The following SNRPF variants were observed in gnomAD, a reference collection of about 807,000 sequenced individuals.
SNRPF encodes the protein small nuclear ribonucleoprotein F.
SNRPF carries 1 observed loss-of-function variant against 13.4 expected under a neutral mutation model. That is an observed-to-expected ratio of 0.07 (90% confidence interval 0.03 to 0.35). SNRPF has a LOEUF of 0.35. Ranked by LOEUF, SNRPF falls within the 10% of genes least tolerant of loss-of-function variation. The pLI is 0.99. For synonymous variants in SNRPF, 27 were observed against 32.1 expected, an observed-to-expected ratio of 0.84 and a Z score of 0.54; for missense variants, 53 against 101.0, an observed-to-expected ratio of 0.52 and a Z score of 2.04.
At chr12:95,859,688 G>C (rs2121389100) in intron 1 of SNRPF, among the ~76,000 whole-genome samples, 1 of 152,246 alleles carries the variant, frequency 6.6e-6, no homozygotes, top group Middle Eastern at 3.4e-3. Context: ...CCTGCGGCCG[G>C]AAAGAAAGCT....
At chr12:95,864,198 A>G (rs58365855) in intron 2 of SNRPF, among the ~76,000 whole-genome samples, 5,502 of 152,238 alleles carry the variant, frequency 0.036, 220 homozygotes, top group East Asian at 0.099. Flanking sequence ...GTTCATTACC[A>G]TGTTTTTCAT....
intron 2 of SNRPF, among the ~76,000 whole-genome samples, chr12:95,864,039 A>G (rs895641439): frequency 6.6e-6 from 1 of 152,240 alleles, no homozygotes; most frequent in African/African-American, 2.4e-5. Context: ...TTTTACAAAA[A>G]ATTAGTTGCT....
chr12:95,859,081 GGA>G lies in SNRPF; in HGVS notation c.3+8_3+9del. 3 of 1,612,770 alleles carry G rather than the reference GGA, an allele frequency of 1.9e-6. No homozygotes were observed. Among genetic ancestry groups the G allele is most frequent in the Non-Finnish European group, 2.5e-6 (3 of 1,179,226 alleles). On this transcript the variant is annotated splice_donor_region_variant and intron_variant, in intron 1 of 3. Transcript: ENST00000266735. ...CATTCGGCCGTGGTTACGATGGTAA[GGA>G]GAAAGAGAACGGCGGGAGAAGCGGG...
chr12:95,861,308 T>A lies in SNRPF; in HGVS notation c.129+15T>A, dbSNP rs1418648653. 6.2e-7 allele frequency: 1 copy of A among 1,605,154 alleles called. No individual in the cohort carries two copies. Among genetic ancestry groups the A allele is most frequent in the Non-Finnish European group, 8.5e-7 (1 of 1,174,458 alleles). On this transcript the variant is annotated intron_variant, in intron 2 of 3. Coordinates refer to ENST00000266735, the MANE Select transcript of SNRPF (RefSeq NM_003095.5). ...TGAACATGCAGGTAAGCTAAAGAGCTGTAAAGGTCATAACATTGCATTTAT... is the reference window on the plus strand; with the variant it reads ...TGAACATGCAGGTAAGCTAAAGAGCAGTAAAGGTCATAACATTGCATTTAT...
chr12:95,865,241 A>T, intron 2 of SNRPF, 83 bp from the exon 3 acceptor site: 1 of 624,864 alleles, frequency 1.6e-6, no homozygotes, highest in Non-Finnish European at 2.9e-6. Flanking sequence ...GGTCTCAGTT[A>T]ATGAGTTCTC....
At position 95,859,002 on chromosome 12, in the gene SNRPF, T is replaced by C. The variant is rs913685772; in HGVS notation, c.-72T>C. 2 of 1,601,354 alleles carry C rather than the reference T, an allele frequency of 1.2e-6. No individual in the cohort carries two copies. Reference sequence around the variant, plus strand: ...ACTGCGGCTCGGGACCTGCGGTACCTGCTGTAGTCACGAGGGACGGGCGGC... The same window carrying C: ...ACTGCGGCTCGGGACCTGCGGTACCCGCTGTAGTCACGAGGGACGGGCGGC... On this transcript the variant is annotated 5_prime_UTR_variant, in exon 1 of 4. Coordinates refer to ENST00000266735, the MANE Select transcript of SNRPF (RefSeq NM_003095.5).
intron 2 of SNRPF, among the ~76,000 whole-genome samples, chr12:95,862,117 G>A (rs2079499201): frequency 6.6e-6 from 1 of 152,178 alleles, no homozygotes; most frequent in Non-Finnish European, 1.5e-5. Context: ...AAGTGGAATT[G>A]TGTATTATCC....
chr12:95,859,724 A>G (rs970605227), intron 1 of SNRPF, among the ~76,000 whole-genome samples: 1 of 152,186 alleles, frequency 6.6e-6, no homozygotes, highest in African/African-American at 2.4e-5. Context: ...ATTGACAGAA[A>G]GGTATAGCCA....
At chr12:95,862,456 G>A (rs1481244360) in intron 2 of SNRPF, among the ~76,000 whole-genome samples, 2 of 152,166 alleles carry the variant, frequency 1.3e-5, no homozygotes, top group Admixed American at 6.5e-5. Flanking sequence ...GCTCATGCCT[G>A]TAATCCCAGC....
intron 2 of SNRPF, among the ~76,000 whole-genome samples, chr12:95,863,202 G>T (rs1465795661): frequency 4.6e-5 from 7 of 152,074 alleles, no homozygotes; most frequent in Non-Finnish European, 8.8e-5. Flanking sequence ...GGCCCCCAAA[G>T]CATAGTTTGA....
chr12:95,861,397 C>T (rs1193720107), intron 2 of SNRPF, 104 bp downstream of exon 2: 1 of 1,103,852 alleles, frequency 9.1e-7, no homozygotes, highest in Admixed American at 2.4e-5. Context: ...ATTAAATTGA[C>T]AAATATACGG....
chr12:95,861,451 A>G (rs1339176287), intron 2 of SNRPF, 158 bp downstream of exon 2: 4 of 538,420 alleles, frequency 7.4e-6, no homozygotes, highest in Non-Finnish European at 1.3e-5. Context: ...ATACTGTGAT[A>G]TACTAGGTAC....
At chr12:95,865,176 A>G (rs1055951558) in intron 2 of SNRPF, 148 bp from the exon 3 acceptor site, 6 of 433,584 alleles carry the variant, frequency 1.4e-5, no homozygotes, top group Non-Finnish European at 2.1e-5. Context: ...ATAGTAATAG[A>G]AAGCTCATCT....
intron 2 of SNRPF, among the ~76,000 whole-genome samples, chr12:95,862,700 A>AT (rs2079501726): frequency 6.6e-6 from 1 of 152,022 alleles, no homozygotes; most frequent in Admixed American, 6.6e-5. Context: ...ATGACAGAGA[A>AT]ATTTTTTTTT....
At position 95,866,085 on chromosome 12, in the gene SNRPF, G is replaced by T. The variant is rs1285531596; in HGVS notation, c.*14G>T. 2 of 1,344,104 alleles carry T rather than the reference G, an allele frequency of 1.5e-6. No homozygotes were observed. Among genetic ancestry groups the T allele is most frequent in the South Asian group, 1.3e-5 (1 of 78,630 alleles). The allele number at this position is 1,344,104 out of a possible 1,614,324, so 83.3% of individuals were successfully genotyped here. ...ATGAGAGAATAGCATCTTTTGTGGG[G>T]GATTTTTTTTATATATATTTCTAGA... On this transcript the variant is annotated 3_prime_UTR_variant, in exon 4 of 4. Transcript: ENST00000266735.
chr12:95,864,477 C>T (rs769637049), intron 2 of SNRPF, among the ~76,000 whole-genome samples: 1 of 152,202 alleles, frequency 6.6e-6, no homozygotes, highest in Non-Finnish European at 1.5e-5. Flanking sequence ...CTCAGACATT[C>T]GATTCATAAT....
At chr12:95,864,322 T>C (rs1219738640) in intron 2 of SNRPF, among the ~76,000 whole-genome samples, 1 of 152,246 alleles carries the variant, frequency 6.6e-6, no homozygotes, top group Non-Finnish European at 1.5e-5. Flanking sequence ...CCTTAGTTCC[T>C]TCTCTGAGTC....
rs1475619882 is a variant in SNRPF, at chr12:95,860,208, C to T, written c.4-960C>T. ...TAGCCCTAGCTTCCCCAGTTAAATA[C>T]TGTCAAGCGTGATCTGCCCTCTGCT... On this transcript the variant is annotated intron_variant, in intron 1 of 3. Transcript: ENST00000266735. 2.6e-5 allele frequency among the ~76,000 whole-genome samples: 4 copies of T among 152,244 alleles called. No individual in the cohort carries two copies. The East Asian group carries it at 5.8e-4, about 22-fold the overall frequency.
intron 2 of SNRPF, 93 bp downstream of exon 2, chr12:95,861,386 A>G: frequency 1.7e-6 from 2 of 1,210,954 alleles, no homozygotes; most frequent in Non-Finnish European, 2.3e-6. Context: ...GAATACATAC[A>G]ATTAAATTGA....
Sources: gnomAD v4.1 joint callset for allele counts (sites outside exome capture counted in the v4.1 genomes callset) on GRCh38, gnomAD v4.1.1 for gene constraint, MANE v1.5 for transcripts, NCBI Gene and HGNC (gene_info 2026-07-23, HGNC 2026-07-21) for gene names.